Variants in DOCK10 observed in about 807,000 individuals in gnomAD.
DOCK10 encodes the protein dedicator of cytokinesis 10, also known as dedicator of cytokinesis protein 10.
In DOCK10, 145 loss-of-function variants were observed where a neutral mutation model predicts 280.1. That is an observed-to-expected ratio of 0.52 (90% CI 0.45 to 0.59). DOCK10 has a LOEUF of 0.59. Ranked by LOEUF, DOCK10 falls within the 20% of genes least tolerant of loss-of-function variation. DOCK10 has a pLI of 0.00. For synonymous variants in DOCK10, 915 were observed against 942.2 expected (o/e 0.97, Z 0.53); for missense variants, 2,368 against 2,651.7 (o/e 0.89, Z 2.35).
At chr2:224,858,593 G>A (rs2125589547) in intron 14 of DOCK10, among the ~76,000 whole-genome samples, 1 of 152,342 alleles carries the variant, frequency 6.6e-6, no homozygotes, top group Admixed American at 6.5e-5. Flanking sequence ...GGCGAAGGTT[G>A]CAGTGAGCCG....
chr2:224,893,322 T>TA lies in DOCK10; in HGVS notation c.416+2972dup, dbSNP rs892895414. On this transcript the variant is annotated intron_variant, in intron 4 of 55. Transcript: ENST00000258390. ...GACACTCAAAAAAATGCTCTTTTAT[T>TA]AAAAAAAAAACAAAAACTGTTCTAT... is the stretch of plus-strand genomic sequence containing the variant. The TA allele has an allele frequency of 3.5e-3, 542 of 156,984 alleles. 1 individual carries two copies. The highest frequency in any genetic ancestry group is 0.013 in the South Asian group (76 of 5,920). 9.7% of individuals were successfully genotyped at this position (156,984 alleles called of 1,614,324 possible). A position where few individuals can be genotyped will look rare whatever the true frequency, so the allele number is the denominator to read the frequency against.
At chr2:224,819,638 G>A in intron 28 of DOCK10, 109 bp from the exon 29 acceptor site, 1 of 671,290 alleles carries the variant, frequency 1.5e-6, no homozygotes, top group Non-Finnish European at 2.4e-6. Flanking sequence ...AACTAAATGT[G>A]TTGTATAATT....
At chr2:224,855,706 C>T (rs1697081521) in intron 15 of DOCK10, among the ~76,000 whole-genome samples, 1 of 152,256 alleles carries the variant, frequency 6.6e-6, no homozygotes, top group African/African-American at 2.4e-5. Context: ...CTGCTGGTAA[C>T]AGTCGCAAGT....
intron 39 of DOCK10, among the ~76,000 whole-genome samples, chr2:224,803,262 AT>A (rs1196857089): frequency 6.6e-6 from 1 of 151,782 alleles, no homozygotes; most frequent in African/African-American, 2.4e-5. Context: ...GTCCTCTATT[AT>A]TTTTTGCAAA....
chr2:224,794,802 A>C, intron 45 of DOCK10, 77 bp downstream of exon 45: 1 of 1,393,294 alleles, frequency 7.2e-7, no homozygotes, highest in Non-Finnish European at 1.0e-6. Flanking sequence ...TTTCTAGTCC[A>C]TGCTGTAAAT....
intron 1 of DOCK10, among the ~76,000 whole-genome samples, chr2:225,024,310 G>C (rs1478973060): frequency 1.3e-5 from 2 of 152,016 alleles, no homozygotes; most frequent in African/African-American, 4.8e-5. Flanking sequence ...CTTGATCTTG[G>C]TCATTATATT....
chr2:224,998,881 T>C (rs552822633), intron 1 of DOCK10, among the ~76,000 whole-genome samples: 2 of 152,304 alleles, frequency 1.3e-5, no homozygotes, highest in Non-Finnish European at 2.9e-5. Context: ...CTTATGAAAG[T>C]GTTGCTCTTA....
At chr2:224,847,058 T>C (rs1696409943) in intron 19 of DOCK10, among the ~76,000 whole-genome samples, 1 of 152,218 alleles carries the variant, frequency 6.6e-6, no homozygotes, top group African/African-American at 2.4e-5. Flanking sequence ...ATGAGACATT[T>C]TGGGAACTGA....
chr2:224,809,532 T>A (rs1179934003), intron 31 of DOCK10, among the ~76,000 whole-genome samples: 1 of 152,028 alleles, frequency 6.6e-6, no homozygotes, highest in African/African-American at 2.4e-5. Flanking sequence ...CCCGCCAAGT[T>A]TTAAAAATGG....
intron 1 of DOCK10, among the ~76,000 whole-genome samples, chr2:225,018,483 T>G (rs886828338): frequency 7.0e-6 from 1 of 141,862 alleles, no homozygotes; most frequent in African/African-American, 2.7e-5. Context: ...AGATACCATG[T>G]AAACATATAT....
chr2:224,952,843 C>T (rs1327500298), intron 1 of DOCK10, among the ~76,000 whole-genome samples: 1 of 152,112 alleles, frequency 6.6e-6, no homozygotes, highest in Non-Finnish European at 1.5e-5. Context: ...CTGCCCGCCT[C>T]GGCCTCCCAA....
intron 3 of DOCK10, among the ~76,000 whole-genome samples, chr2:224,909,060 C>T (rs1700845639): frequency 6.6e-6 from 1 of 152,216 alleles, no homozygotes; most frequent in African/African-American, 2.4e-5. Flanking sequence ...CAATTCTTTG[C>T]TCCCTCATCT....
Position 224,834,276 on chromosome 2 carries a change from C to A in DOCK10, c.2851-13G>T. On this transcript the variant is annotated splice_polypyrimidine_tract_variant and intron_variant, in intron 25 of 55. Coordinates refer to ENST00000258390, the MANE Select transcript of DOCK10 (RefSeq NM_014689.3). The stretch of plus-strand genomic sequence containing the variant: ...TCTTGAACACGAACTGAAGAAAATC[C>A]AAAAAGTGAATAAAGTTAAATACTT... 7.0e-7 allele frequency: 1 copy of A among 1,437,612 alleles called. No individual in the cohort carries two copies. The highest frequency in any genetic ancestry group is 9.8e-7 in the Non-Finnish European group (1 of 1,024,370). 89.1% of individuals were successfully genotyped at this position (1,437,612 alleles called of 1,614,324 possible).
At chr2:224,951,800 G>T (rs561211775) in intron 1 of DOCK10, among the ~76,000 whole-genome samples, 15 of 152,264 alleles carry the variant, frequency 9.9e-5, no homozygotes, top group Admixed American at 2.0e-4. Context: ...CTGTCTTCAG[G>T]CACATGCAAG....
intron 7 of DOCK10, 103 bp from the exon 8 acceptor site, chr2:224,876,324 A>T (rs1447490393): frequency 3.0e-5 from 31 of 1,037,376 alleles, no homozygotes; most frequent in Non-Finnish European, 3.9e-5. Context: ...CTTTCCATAC[A>T]GATAGATAAC....
chr2:224,870,881 C>T (rs1698237324), intron 11 of DOCK10, among the ~76,000 whole-genome samples: 1 of 126,450 alleles, frequency 7.9e-6, no homozygotes, highest in African/African-American at 3.2e-5. Flanking sequence ...GGCTGGAGTG[C>T]AGTGGCATGA....
chr2:225,009,816 A>G (rs548045248), intron 1 of DOCK10, among the ~76,000 whole-genome samples: 11 of 152,286 alleles, frequency 7.2e-5, no homozygotes, highest in African/African-American at 2.4e-4. Flanking sequence ...TCTTTATTTA[A>G]TGATATGGTC....
intron 2 of DOCK10, among the ~76,000 whole-genome samples, chr2:224,922,373 T>C (rs1465943533): frequency 6.6e-6 from 1 of 152,182 alleles, no homozygotes; most frequent in African/African-American, 2.4e-5. Context: ...AGATTTCCTG[T>C]TCTCTTTTAT....
chr2:224,880,620 A>G (rs989473723), intron 7 of DOCK10, among the ~76,000 whole-genome samples: 2 of 152,174 alleles, frequency 1.3e-5, no homozygotes, highest in African/African-American at 4.8e-5. Context: ...TATTTACATG[A>G]CTTCATAAAT....
Sources: allele counts gnomAD v4.1 joint callset (sites outside exome capture counted in the v4.1 genomes callset), GRCh38; gene constraint gnomAD v4.1.1; transcripts MANE v1.5; gene names NCBI Gene and HGNC (gene_info 2026-07-23, HGNC 2026-07-21).